JRK: variants seen among roughly 807,000 people sequenced by gnomAD.
JRK encodes Jrk helix-turn-helix protein.
For synonymous variants in JRK, 303 were observed against 218.1 expected, an observed-to-expected ratio of 1.39 and a Z score of -3.43; for missense variants, 720 against 509.2, an observed-to-expected ratio of 1.41 and a Z score of -3.98.
chr8:142,661,303 A>C lies in JRK; in HGVS notation c.*3049T>G. ...GGCTGAAAGACCACCTACCCATCCT[A>C]ACCCCTGAATTCACCATGCCACCCT... On this transcript the variant is annotated 3_prime_UTR_variant, in exon 2 of 2. Coordinates refer to ENST00000612905, the MANE Select transcript of JRK (RefSeq NM_003724.4). The C allele has an allele frequency of 2.0e-6, 2 of 985,460 alleles. No homozygotes were observed. Among genetic ancestry groups the C allele is most frequent in the Non-Finnish European group, 2.4e-6 (2 of 829,968 alleles). 61.0% of individuals were successfully genotyped at this position (985,460 alleles called of 1,614,324 possible).
chr8:142,657,114 A>G (rs587742166), downstream of JRK, among the ~76,000 whole-genome samples: 34 of 152,232 alleles, frequency 2.2e-4, no homozygotes, highest in Middle Eastern at 6.8e-3. Context: ...CTCCTTACAG[A>G]AACTGGAGGA....
intron 1 of JRK, among the ~76,000 whole-genome samples, chr8:142,668,501 CCA>C (rs150452179): frequency 0.035 from 5,324 of 152,006 alleles, 118 homozygotes; most frequent in Non-Finnish European, 0.053. Flanking sequence ...GAAGGCAAGG[CCA>C]CAAACCACCC....
At chr8:142,653,409 T>C (rs1846698824), downstream of JRK, among the ~76,000 whole-genome samples, 1 of 152,212 alleles carries the variant, frequency 6.6e-6, no homozygotes, top group Admixed American at 6.5e-5. Flanking sequence ...GGTCTCATTC[T>C]GTCACCCAGG....
Position 142,661,206 on chromosome 8 carries a change from T to C in JRK, c.*3146A>G. On this transcript the variant is annotated 3_prime_UTR_variant, in exon 2 of 2. Coordinates refer to ENST00000612905, the MANE Select transcript of JRK (RefSeq NM_003724.4). ...CAGACAACTTCCAGGACAGCGTGCCTGGGGTGCTCGCAGAAGGCCAGGCTG... is the reference window on the plus strand; with the variant it reads ...CAGACAACTTCCAGGACAGCGTGCCCGGGGTGCTCGCAGAAGGCCAGGCTG... 1 of 985,538 alleles carries C rather than the reference T, an allele frequency of 1.0e-6. No homozygotes were observed. Among genetic ancestry groups the C allele is most frequent in the South Asian group, 4.7e-5 (1 of 21,282 alleles). 61.0% of individuals were successfully genotyped at this position (985,538 alleles called of 1,614,324 possible).
chr8:142,654,045 CAT>C (rs150029453), downstream of JRK, among the ~76,000 whole-genome samples: 1,257 of 152,340 alleles, frequency 8.3e-3, 14 homozygotes, highest in African/African-American at 0.027. Context: ...CTGACTGGCA[CAT>C]GAGAGTGGTG....
Position 142,661,667 on chromosome 8 carries a change from T to C in JRK, c.*2685A>G. ...AGGACCAGAGACTTTCTCGCTCTGC[T>C]CTGGCAAGCTCCAGGGCTTCCCAGG... On this transcript the variant is annotated 3_prime_UTR_variant, in exon 2 of 2. Coordinates refer to ENST00000612905, the MANE Select transcript of JRK (RefSeq NM_003724.4). 1.0e-6 allele frequency: 1 copy of C among 985,514 alleles called. No individual in the cohort carries two copies. Among genetic ancestry groups the C allele is most frequent in the South Asian group, 4.7e-5 (1 of 21,282 alleles). The allele number at this position is 985,514 out of a possible 1,614,324, so 61.0% of individuals were successfully genotyped here. A position where few individuals can be genotyped will look rare whatever the true frequency, so the allele number is the denominator to read the frequency against.
At position 142,661,628 on chromosome 8, in the gene JRK, G is replaced by C; in HGVS notation, c.*2724C>G. 1.0e-6 allele frequency: 1 copy of C among 985,438 alleles called. No homozygotes were observed. The highest frequency in any genetic ancestry group is 1.2e-6 in the Non-Finnish European group (1 of 829,940). The allele number at this position is 985,438 out of a possible 1,614,324, so 61.0% of individuals were successfully genotyped here. A position where few individuals can be genotyped will look rare whatever the true frequency, so the allele number is the denominator to read the frequency against. On this transcript the variant is annotated 3_prime_UTR_variant, in exon 2 of 2. Transcript: ENST00000612905. Reference sequence around the variant, plus strand: ...AGCCTGGTGCTCACAGATAAAACGCGGAGGCATTTAAACAGGACCAGAGAC... The same window carrying C: ...AGCCTGGTGCTCACAGATAAAACGCCGAGGCATTTAAACAGGACCAGAGAC...
Position 142,659,977 on chromosome 8 carries a change from G to C in JRK, c.*4375C>G. Reference sequence around the variant, plus strand: ...GGTCCATGTGTAGAAGCAGAGGCCAGAGCTGACACCACATGGGCAAAGGAG... The same window carrying C: ...GGTCCATGTGTAGAAGCAGAGGCCACAGCTGACACCACATGGGCAAAGGAG... On this transcript the variant is annotated 3_prime_UTR_variant, in exon 2 of 2. Coordinates refer to ENST00000612905, the MANE Select transcript of JRK (RefSeq NM_003724.4). The C allele has an allele frequency of 1.0e-6, 1 of 985,660 alleles. No individual in the cohort carries two copies. Among genetic ancestry groups the C allele is most frequent in the Non-Finnish European group, 1.2e-6 (1 of 830,020 alleles). The allele number at this position is 985,660 out of a possible 1,614,324, so 61.1% of individuals were successfully genotyped here.
chr8:142,655,551 G>A (rs1478544259), downstream of JRK, among the ~76,000 whole-genome samples: 1 of 152,152 alleles, frequency 6.6e-6, no homozygotes, highest in Non-Finnish European at 1.5e-5. Flanking sequence ...ACAGGCAACA[G>A]GCAGGGGAAG....
chr8:142,652,209 C>T, the JRK span, among the ~76,000 whole-genome samples: 1 of 152,098 alleles, frequency 6.6e-6, no homozygotes, highest in Non-Finnish European at 1.5e-5. Context: ...CTCAGAATCC[C>T]TTTGTGATTA....
In JRK at chr8:142,659,806, T is replaced by C. The variant is rs1846860733; in HGVS notation, c.*4546A>G. The C allele has an allele frequency of 3.0e-6, 3 of 985,446 alleles. No homozygotes were observed. Among genetic ancestry groups the C allele is most frequent in the South Asian group, 4.7e-5 (1 of 21,292 alleles). The allele number at this position is 985,446 out of a possible 1,614,324, so 61.0% of individuals were successfully genotyped here. On this transcript the variant is annotated 3_prime_UTR_variant, in exon 2 of 2. Coordinates refer to ENST00000612905, the MANE Select transcript of JRK (RefSeq NM_003724.4). ...CGTGAGGCTGGTCATTAGGAGCAGG[T>C]AGCCCTGGGTCTCCCTCTGCCCTCA...
In JRK at chr8:142,660,367, C is replaced by T. The variant is rs944918265; in HGVS notation, c.*3985G>A. Reference sequence around the variant, plus strand: ...ACCCCTACCTACCTCATGACCTCCCCGACCCTGATCTCCACACCTGACCCC... The same window carrying T: ...ACCCCTACCTACCTCATGACCTCCCTGACCCTGATCTCCACACCTGACCCC... On this transcript the variant is annotated 3_prime_UTR_variant, in exon 2 of 2. Coordinates refer to ENST00000612905, the MANE Select transcript of JRK (RefSeq NM_003724.4). 47 of 985,458 alleles carry T rather than the reference C, an allele frequency of 4.8e-5. No homozygotes were observed. The highest frequency in any genetic ancestry group is 5.2e-4 in the Middle Eastern group (1 of 1,938). The allele number at this position is 985,458 out of a possible 1,614,324, so 61.0% of individuals were successfully genotyped here.
chr8:142,661,324 A>G lies in JRK; in HGVS notation c.*3028T>C, dbSNP rs1846909303. 1.0e-6 allele frequency: 1 copy of G among 985,330 alleles called. No homozygotes were observed. Among genetic ancestry groups the G allele is most frequent in the African/African-American group, 1.7e-5 (1 of 57,228 alleles). The allele number at this position is 985,330 out of a possible 1,614,324, so 61.0% of individuals were successfully genotyped here. Reference sequence around the variant, plus strand: ...TCCTAACCCCTGAATTCACCATGCCACCCTGAAAGTATGGCCTCTCCTGGG... The same window carrying G: ...TCCTAACCCCTGAATTCACCATGCCGCCCTGAAAGTATGGCCTCTCCTGGG... On this transcript the variant is annotated 3_prime_UTR_variant, in exon 2 of 2. Transcript: ENST00000612905.
In JRK at chr8:142,664,536, C is replaced by T. The variant is rs587645164; in HGVS notation, c.1523G>A (p.Ser508Asn). 6.8e-6 allele frequency: 11 copies of T among 1,608,582 alleles called. No homozygotes were observed. The highest frequency in any genetic ancestry group is 2.2e-5 in the East Asian group (1 of 44,696). The change falls in exon 2 of 2, where the codon AGT becomes AAT. Residue 508 changes from serine to asparagine, a missense_variant. Physicochemically the swap from Ser to Asn is conservative, Grantham distance 46. Coordinates refer to ENST00000612905, the MANE Select transcript of JRK (RefSeq NM_003724.4). ...LRFAERQPCF[S>N]AQEVGQLRAL... ...CCGCAGCTGCCCCACTTCCTGCGCA[C>T]TGAAGCATGGCTGCCGCTCCGCAAA... is the stretch of plus-strand genomic sequence containing the variant.
chr8:142,643,814 C>T, the JRK span, among the ~76,000 whole-genome samples: 1 of 152,194 alleles, frequency 6.6e-6, no homozygotes, highest in Non-Finnish European at 1.5e-5. Context: ...AAAAGAGATT[C>T]TTATTGTACT....
At chr8:142,651,882 G>GA in the JRK span, among the ~76,000 whole-genome samples, 6 of 151,750 alleles carry the variant, frequency 4.0e-5, no homozygotes, top group Admixed American at 6.6e-5. Flanking sequence ...CTAGAAGCAG[G>GA]AAAAAAAACC....
Position 142,663,676 on chromosome 8 carries a change from G to C in JRK, c.*676C>G, listed in dbSNP as rs974290562. The C allele has an allele frequency of 1.1e-4, 109 of 985,428 alleles. No homozygotes were observed. Among genetic ancestry groups the C allele is most frequent in the Non-Finnish European group, 1.3e-4 (104 of 829,928 alleles). 61.0% of individuals were successfully genotyped at this position (985,428 alleles called of 1,614,324 possible). On this transcript the variant is annotated 3_prime_UTR_variant, in exon 2 of 2. Coordinates refer to ENST00000612905, the MANE Select transcript of JRK (RefSeq NM_003724.4). Reference sequence around the variant, plus strand: ...CTCTACCAAGTCAACTCTCCGTGGGGCCCCCCAACATCTTGGGGCCAGAGC... The same window carrying C: ...CTCTACCAAGTCAACTCTCCGTGGGCCCCCCCAACATCTTGGGGCCAGAGC...
chr8:142,669,884 T>TCCGGC (rs1206698986), intron 1 of JRK, 48 bp downstream of exon 1: 3 of 152,530 alleles, frequency 2.0e-5, no homozygotes, highest in African/African-American at 4.9e-5. Flanking sequence ...CCCGCACCCA[T>TCCGGC]CCGGCCCGGC....
Position 142,660,424 on chromosome 8 carries a change from G to C in JRK, c.*3928C>G, listed in dbSNP as rs1846879810. On this transcript the variant is annotated 3_prime_UTR_variant, in exon 2 of 2. Transcript: ENST00000612905. ...CATTTTGTTATTTTTTGTTTTTAGA[G>C]ATTAGGTCTCTCACTCTGTCACCCA... is the stretch of plus-strand genomic sequence containing the variant. 1 of 985,034 alleles carries C rather than the reference G, an allele frequency of 1.0e-6. No homozygotes were observed. Among genetic ancestry groups the C allele is most frequent in the South Asian group, 4.7e-5 (1 of 21,274 alleles). 61.0% of individuals were successfully genotyped at this position (985,034 alleles called of 1,614,324 possible). A position where few individuals can be genotyped will look rare whatever the true frequency, so the allele number is the denominator to read the frequency against.
Sources: allele counts gnomAD v4.1 joint callset (sites outside exome capture counted in the v4.1 genomes callset), GRCh38; gene constraint gnomAD v4.1.1; transcripts MANE v1.5; gene names NCBI Gene and HGNC (gene_info 2026-07-23, HGNC 2026-07-21).